Variants in SLCO5A1 observed in about 807,000 individuals in gnomAD.
SLCO5A1 encodes organic anion transporter polypeptide-related protein 4.
In SLCO5A1, 39 loss-of-function variants were observed where a neutral mutation model predicts 65.1. The observed-to-expected ratio is 0.60, with a 90% CI of 0.46 to 0.78. SLCO5A1 has a LOEUF of 0.78. Ranked by LOEUF, SLCO5A1 falls within the 30% of genes least tolerant of loss-of-function variation. The pLI, the probability that SLCO5A1 is intolerant of heterozygous loss-of-function variation, is 0.00. For synonymous variants in SLCO5A1, 438 were observed against 415.7 expected (o/e 1.05, Z -0.65); for missense variants, 1,029 against 1,069.4 (o/e 0.96, Z 0.53).
At chr8:69,724,412 A>G (rs565654187) in intron 5 of SLCO5A1, among the ~76,000 whole-genome samples, 123 of 152,348 alleles carry the variant, frequency 8.1e-4, no homozygotes, top group African/African-American at 2.9e-3. Context: ...AACATAAATT[A>G]TATTCATCTT....
intron 5 of SLCO5A1, among the ~76,000 whole-genome samples, chr8:69,707,776 T>C (rs1203913411): frequency 6.6e-6 from 1 of 151,652 alleles, no homozygotes; most frequent in African/African-American, 2.4e-5. Flanking sequence ...ATAAATTAGA[T>C]AAGGACAGGG....
intron 7 of SLCO5A1, among the ~76,000 whole-genome samples, chr8:69,679,998 C>T (rs1376993866): frequency 6.6e-6 from 1 of 152,186 alleles, no homozygotes; most frequent in Non-Finnish European, 1.5e-5. Context: ...TTTGTGCTCA[C>T]AGAGCACCTA....
At chr8:69,739,544 A>T (rs926621646) in intron 4 of SLCO5A1, among the ~76,000 whole-genome samples, 1 of 152,156 alleles carries the variant, frequency 6.6e-6, no homozygotes, top group South Asian at 2.1e-4. Context: ...TAATAAAGTC[A>T]TTTCATTAAA....
Position 69,673,280 on chromosome 8 carries a change from G to A in SLCO5A1, c.2136C>T (p.Thr712=), listed in dbSNP as rs779667827. 4 of 1,614,128 alleles carry A rather than the reference G, an allele frequency of 2.5e-6. No individual in the cohort carries two copies. Among genetic ancestry groups the A allele is most frequent in the Non-Finnish European group, 3.4e-6 (4 of 1,180,048 alleles). ...PIYFGAVIDT[T]CMLWQQECGV... Reference sequence around the variant, plus strand: ...CACATTCCTGTTGCCAGAGCATGCAGGTGGTGTCAATGACTGCTCCAAAGT... The same window carrying A: ...CACATTCCTGTTGCCAGAGCATGCAAGTGGTGTCAATGACTGCTCCAAAGT... The change falls in exon 10 of 10, where the codon ACC becomes ACT. Residue 712 remains threonine (T), a synonymous_variant. Transcript: ENST00000260126.
At chr8:69,684,748 GT>G (rs527249002) in intron 6 of SLCO5A1, among the ~76,000 whole-genome samples, 14 of 152,202 alleles carry the variant, frequency 9.2e-5, no homozygotes, top group African/African-American at 3.4e-4. Flanking sequence ...TAATAAACTT[GT>G]TTTCTTTCAC....
intron 4 of SLCO5A1, among the ~76,000 whole-genome samples, chr8:69,745,510 T>G (rs1280707230): frequency 6.6e-6 from 1 of 152,190 alleles, no homozygotes; most frequent in Non-Finnish European, 1.5e-5. Flanking sequence ...AGCAGTTGAC[T>G]AAATTTTATT....
At chr8:69,716,013 A>G (rs1815512081) in intron 5 of SLCO5A1, among the ~76,000 whole-genome samples, 1 of 152,184 alleles carries the variant, frequency 6.6e-6, no homozygotes, top group Non-Finnish European at 1.5e-5. Context: ...GCCCGAGACA[A>G]TCACCACCTA....
chr8:69,766,170 GC>G (rs1341806936), intron 2 of SLCO5A1, among the ~76,000 whole-genome samples: 7 of 151,996 alleles, frequency 4.6e-5, no homozygotes, highest in Non-Finnish European at 7.4e-5. Flanking sequence ...CTGGAAAACT[GC>G]CCTAGGCCTT....
At chr8:69,688,212 G>A (rs897138983) in intron 6 of SLCO5A1, among the ~76,000 whole-genome samples, 1 of 152,064 alleles carries the variant, frequency 6.6e-6, no homozygotes, top group African/African-American at 2.4e-5. Flanking sequence ...GAAGGAGCTA[G>A]GATAATCCAA....
intron 2 of SLCO5A1, among the ~76,000 whole-genome samples, chr8:69,776,976 T>C (rs1818586068): frequency 6.6e-6 from 1 of 152,202 alleles, no homozygotes; most frequent in Non-Finnish European, 1.5e-5. Flanking sequence ...GTAAAATTGG[T>C]ACAACCACTT....
At position 69,671,086 on chromosome 8, in the gene SLCO5A1, C is replaced by G. The variant is rs1033855330; in HGVS notation, c.*1783G>C. On this transcript the variant is annotated 3_prime_UTR_variant, in exon 10 of 10. Transcript: ENST00000260126. Reference sequence around the variant, plus strand: ...TCCTCACCTCCCCGAGAGCCAAGCCCAGGAACCAGAGGGAAGTCCTTAGCC... The same window carrying G: ...TCCTCACCTCCCCGAGAGCCAAGCCGAGGAACCAGAGGGAAGTCCTTAGCC... The G allele has an allele frequency of 5.9e-5, 9 of 152,328 alleles. No individual in the cohort carries two copies. Among genetic ancestry groups the G allele is most frequent in the African/African-American group, 2.2e-4 (9 of 41,446 alleles). The allele number at this position is 152,328 out of a possible 1,614,324, so 9.4% of individuals were successfully genotyped here.
At chr8:69,770,783 C>T (rs1818288764) in intron 2 of SLCO5A1, among the ~76,000 whole-genome samples, 1 of 152,158 alleles carries the variant, frequency 6.6e-6, no homozygotes, top group Admixed American at 6.5e-5. Flanking sequence ...CACTGATCTG[C>T]CCCAAGCTCC....
At chr8:69,730,400 G>A (rs998860681) in intron 5 of SLCO5A1, among the ~76,000 whole-genome samples, 10 of 152,238 alleles carry the variant, frequency 6.6e-5, no homozygotes, top group South Asian at 2.1e-4. Context: ...CAGGGTTTTG[G>A]GAAAGTTATT....
chr8:69,676,615 T>C lies in SLCO5A1; in HGVS notation c.2083A>G (p.Thr695Ala). The C allele has an allele frequency of 6.2e-7, 1 of 1,612,920 alleles. No individual in the cohort carries two copies. Among genetic ancestry groups the C allele is most frequent in the Admixed American group, 1.7e-5 (1 of 59,810 alleles). ...ALGMQFVLLR[T>A]LAYIPTPIYF... ...TGGAAATTCAGGGACGTACCAAGTG[T>C]TCGCAACAAAACAAACTGCATTCCC... The change falls in exon 9 of 10, where the codon ACA becomes GCA. Residue 695 changes from threonine to alanine, a missense_variant. Transcript: ENST00000260126.
chr8:69,830,715 T>A (rs1463743419), intron 2 of SLCO5A1, among the ~76,000 whole-genome samples: 1 of 152,180 alleles, frequency 6.6e-6, no homozygotes, highest in African/African-American at 2.4e-5. Context: ...CCTCTGCAAC[T>A]GCTGCCTGGC....
chr8:69,758,045 A>G (rs1416732661), intron 3 of SLCO5A1, among the ~76,000 whole-genome samples: 1 of 152,236 alleles, frequency 6.6e-6, no homozygotes, highest in Non-Finnish European at 1.5e-5. Flanking sequence ...CAAGTGGGGT[A>G]TTAAGTATGT....
At chr8:69,714,788 T>G (rs1586717136) in intron 5 of SLCO5A1, 1 of 152,242 alleles carries the variant, frequency 6.6e-6, no homozygotes, top group South Asian at 2.1e-4. Flanking sequence ...TAACTCCTCT[T>G]AGGCCAGACG....
At chr8:69,752,877 C>A (rs566350882) in intron 4 of SLCO5A1, among the ~76,000 whole-genome samples, 67 of 152,292 alleles carry the variant, frequency 4.4e-4, no homozygotes, top group African/African-American at 1.5e-3. Context: ...AAAATCAGAA[C>A]ATAAACAGAT....
At chr8:69,748,181 T>C (rs925081806) in intron 4 of SLCO5A1, among the ~76,000 whole-genome samples, 8 of 152,272 alleles carry the variant, frequency 5.3e-5, no homozygotes, top group Non-Finnish European at 8.8e-5. Context: ...GCTTAGCACA[T>C]TGAGCCTGAG....
Sources: allele counts gnomAD v4.1 joint callset (sites outside exome capture counted in the v4.1 genomes callset), GRCh38; gene constraint gnomAD v4.1.1; transcripts MANE v1.5; gene names NCBI Gene and HGNC (gene_info 2026-07-23, HGNC 2026-07-21).